Variants in DAPK1 observed in about 807,000 individuals in gnomAD.
DAPK1 encodes death-associated protein kinase 1.
A neutral mutation model predicts 144.9 loss-of-function variants in DAPK1; 56 were observed. The observed-to-expected ratio is 0.39, with a 90% CI of 0.31 to 0.48. The LOEUF is 0.48. Ranked by LOEUF, DAPK1 falls within the 20% of genes least tolerant of loss-of-function variation. The pLI is 0.95. For missense variants in DAPK1, 1,454 were observed against 1,875.4 expected, an observed-to-expected ratio of 0.78 and a Z score of 4.15; for synonymous variants, 690 against 749.0, an observed-to-expected ratio of 0.92 and a Z score of 1.29.
chr9:87,647,456 T>G (rs1830308331), intron 14 of DAPK1, 53 bp downstream of exon 14: 1 of 1,442,306 alleles, frequency 6.9e-7, no homozygotes, highest in Non-Finnish European at 9.8e-7. Flanking sequence ...TGGATGCATG[T>G]GAGTGTGAGT....
At chr9:87,647,576 T>G (rs1199113292) in intron 14 of DAPK1, among the ~76,000 whole-genome samples, 173 bp downstream of exon 14, 2 of 152,260 alleles carry the variant, frequency 1.3e-5, no homozygotes, top group Non-Finnish European at 2.9e-5. Flanking sequence ...GGTCTAATAC[T>G]GAAATCAGCC....
chr9:87,525,071 G>A (rs58336140), intron 2 of DAPK1, among the ~76,000 whole-genome samples: 4,999 of 152,164 alleles, frequency 0.033, 257 homozygotes, highest in African/African-American at 0.11. Context: ...AACAAAAACC[G>A]AACAGTGTGA....
intron 16 of DAPK1, among the ~76,000 whole-genome samples, chr9:87,651,252 T>C (rs1830433646): frequency 2.0e-5 from 3 of 152,242 alleles, no homozygotes; most frequent in South Asian, 2.1e-4. Flanking sequence ...CAATTACTTA[T>C]GTTCTATCTG....
chr9:87,512,051 T>C (rs1395484102), intron 2 of DAPK1, among the ~76,000 whole-genome samples: 5 of 152,030 alleles, frequency 3.3e-5, no homozygotes, highest in Admixed American at 3.3e-4. Context: ...AGAGAAACCA[T>C]CTTTTATTTA....
chr9:87,626,362 C>T (rs750597001), intron 3 of DAPK1, among the ~76,000 whole-genome samples: 29 of 152,160 alleles, frequency 1.9e-4, no homozygotes, highest in Non-Finnish European at 3.5e-4. Flanking sequence ...TTGCAGTGAG[C>T]TGAGATCATA....
intron 3 of DAPK1, among the ~76,000 whole-genome samples, chr9:87,613,962 A>G (rs1227509040): frequency 6.6e-6 from 1 of 152,234 alleles, no homozygotes; most frequent in Non-Finnish European, 1.5e-5. Context: ...CACTTCTGGC[A>G]TCCCGCTCCT....
At chr9:87,566,288 T>A (rs894853218) in intron 2 of DAPK1, among the ~76,000 whole-genome samples, 1 of 152,218 alleles carries the variant, frequency 6.6e-6, no homozygotes, top group Non-Finnish European at 1.5e-5. Context: ...CCCAAAGTGC[T>A]GGGATTACAG....
chr9:87,607,293 A>G (rs1023581498), intron 3 of DAPK1, among the ~76,000 whole-genome samples: 5 of 152,222 alleles, frequency 3.3e-5, no homozygotes, highest in African/African-American at 1.2e-4. Context: ...CTTTAAGCCT[A>G]CATTTCCTGC....
At chr9:87,670,446 A>G (rs939565216) in intron 19 of DAPK1, among the ~76,000 whole-genome samples, 5 of 152,174 alleles carry the variant, frequency 3.3e-5, no homozygotes, top group Admixed American at 3.3e-4. Context: ...TTAGGTCTCT[A>G]TTACGGTCCA....
At chr9:87,498,209 C>T in intron 1 of DAPK1, 102 bp downstream of exon 1, 1 of 396,462 alleles carries the variant, frequency 2.5e-6, no homozygotes, top group Non-Finnish European at 4.4e-6. Context: ...GTGCCTCGAG[C>T]AACTGGGAAG....
chr9:87,577,436 G>T (rs1422218796), intron 2 of DAPK1, among the ~76,000 whole-genome samples: 1 of 152,092 alleles, frequency 6.6e-6, no homozygotes, highest in Admixed American at 6.5e-5. Context: ...CGAAAGCCAG[G>T]GTCCCCCCCA....
chr9:87,497,549 T>A (rs1385930990), upstream of DAPK1: 1 of 153,168 alleles, frequency 6.5e-6, no homozygotes, highest in Non-Finnish European at 1.5e-5. Flanking sequence ...AAGAACCGTG[T>A]TTCCCTAGAA....
chr9:87,610,901 T>C (rs1828897579), intron 3 of DAPK1, among the ~76,000 whole-genome samples: 1 of 152,220 alleles, frequency 6.6e-6, no homozygotes, highest in Admixed American at 6.5e-5. Context: ...AAATAAAACA[T>C]CTGAAGATTG....
rs1412231947 is a variant in DAPK1, at chr9:87,707,001, G to A, written c.3930G>A (p.Arg1310=). The A allele has an allele frequency of 6.2e-6, 10 of 1,613,604 alleles. No homozygotes were observed. Among genetic ancestry groups the A allele is most frequent in the Non-Finnish European group, 8.5e-6 (10 of 1,180,000 alleles). ...IHASDLNLLT[R]RKLSRLLDPP... is the part of the protein sequence containing the mutation. ...CATCAGACCTGAACCTCCTCACTCG[G>A]AGGAAACTGAGTCGCCTGCTGGACC... The change falls in exon 26 of 26, where the codon CGG becomes CGA. Residue 1310 remains arginine, a synonymous_variant. Transcript: ENST00000408954. The surrounding 1 kb of genome is among the most constrained non-coding windows in gnomAD (Gnocchi z 4.0).
chr9:87,639,497 C>T lies in DAPK1; in HGVS notation c.553+14C>T. On this transcript the variant is annotated intron_variant, in intron 5 of 25. Transcript: ENST00000408954. The stretch of plus-strand genomic sequence containing the variant: ...CAGAGTTTGTCGGTAAGTTTCTTTG[C>T]TCCTGTGGTCATTTACGTCTCATAA... 1 of 1,610,450 alleles carries T rather than the reference C, an allele frequency of 6.2e-7. No homozygotes were observed. Among genetic ancestry groups the T allele is most frequent in the Non-Finnish European group, 8.5e-7 (1 of 1,179,006 alleles).
chr9:87,663,607 G>C (rs36215388), intron 18 of DAPK1, among the ~76,000 whole-genome samples: 3,256 of 152,130 alleles, frequency 0.021, 109 homozygotes, highest in African/African-American at 0.071. Flanking sequence ...TTCTCCCTAG[G>C]CCTCTGCTTC....
At chr9:87,504,084 T>C (rs1461397642) in intron 2 of DAPK1, among the ~76,000 whole-genome samples, 3 of 152,170 alleles carry the variant, frequency 2.0e-5, no homozygotes, top group African/African-American at 7.2e-5. Flanking sequence ...AGAGACTTTC[T>C]GGCATGTTTT....
chr9:87,657,010 A>T lies in DAPK1; in HGVS notation c.1825-1019A>T, dbSNP rs569408183. 1.3e-3 allele frequency among the ~76,000 whole-genome samples: 199 copies of T among 152,264 alleles called. 1 individual carries two copies. Among genetic ancestry groups the T allele is most frequent in the African/African-American group, 4.6e-3 (192 of 41,532 alleles). ...GGATTTTTAAAAAGAGCATGTGTTA[A>T]CTTTATAACAAAAACTGATATTTAA... On this transcript the variant is annotated intron_variant, in intron 17 of 25. Transcript: ENST00000408954.
At chr9:87,620,067 C>T (rs2119035406) in intron 3 of DAPK1, among the ~76,000 whole-genome samples, 1 of 152,264 alleles carries the variant, frequency 6.6e-6, no homozygotes, top group Non-Finnish European at 1.5e-5. Flanking sequence ...TTAGAGGCCT[C>T]TGGTGGGGGC....
Sources: gnomAD v4.1 joint callset for allele counts (sites outside exome capture counted in the v4.1 genomes callset) on GRCh38, gnomAD v4.1.1 for gene constraint, Gnocchi (gnomAD v3.1) non-coding constraint, MANE v1.5 for transcripts, NCBI Gene and HGNC (gene_info 2026-07-23, HGNC 2026-07-21) for gene names.